The following EPG5 variants were observed in gnomAD, a reference collection of about 807,000 sequenced individuals.
EPG5 encodes ectopic P-granules 5 autophagy tethering factor, also known as ectopic P granules protein 5 homolog.
In EPG5, 159 loss-of-function variants were observed where a neutral mutation model predicts 302.7. The observed-to-expected ratio is 0.53, with a 90% CI of 0.46 to 0.60. The LOEUF is 0.60. Among genes scored for constraint, EPG5 ranks in the 20% least tolerant of loss-of-function variants. The probability of loss-of-function intolerance (pLI) is 0.00; values close to 1 mark genes in which losing one functional copy is unlikely to be tolerated. For missense variants in EPG5, 2,896 were observed against 3,092.4 expected (o/e 0.94, Z 1.51); for synonymous variants, 1,158 against 1,136.8 (o/e 1.02, Z -0.37).
intron 1 of EPG5, among the ~76,000 whole-genome samples, chr18:45,959,419 G>A (rs1476691165): frequency 6.8e-6 from 1 of 147,414 alleles, no homozygotes; most frequent in East Asian, 1.9e-4. Context: ...GGCTGAGGCA[G>A]GTGGATTACG....
intron 13 of EPG5, among the ~76,000 whole-genome samples, chr18:45,928,647 A>G (rs1425231086): frequency 1.3e-5 from 2 of 152,232 alleles, no homozygotes; most frequent in African/African-American, 4.8e-5. Flanking sequence ...GGACAAGTCA[A>G]CCTTGAGATT....
chr18:45,909,613 G>A (rs1352871730), intron 23 of EPG5, among the ~76,000 whole-genome samples: 48 of 152,188 alleles, frequency 3.2e-4, no homozygotes, highest in Admixed American at 6.5e-5. Context: ...GGAATAGTGT[G>A]AAAGGAATCC....
intron 38 of EPG5, 127 bp downstream of exon 38, chr18:45,866,671 T>A: frequency 1.3e-6 from 1 of 743,874 alleles, no homozygotes; most frequent in Non-Finnish European, 2.3e-6. Context: ...AAGATGAGTA[T>A]ATGATAATAC....
At chr18:45,879,326 G>A (rs758421007) in intron 32 of EPG5, 112 bp from the exon 33 acceptor site, 3 of 701,370 alleles carry the variant, frequency 4.3e-6, no homozygotes, top group Non-Finnish European at 7.1e-6. Flanking sequence ...ATAAGAGAGT[G>A]GCAAAAATAT....
intron 1 of EPG5, among the ~76,000 whole-genome samples, chr18:45,963,507 G>A (rs937209280): frequency 6.6e-6 from 1 of 152,154 alleles, no homozygotes; most frequent in African/African-American, 2.4e-5. Flanking sequence ...CATGGTGGCA[G>A]GCACCATAAT....
At position 45,847,741 on chromosome 18, in the gene EPG5, G is replaced by A. The variant is rs1382489798; in HGVS notation, c.*4726C>T. The A allele has an allele frequency of 6.6e-6, 1 of 152,452 alleles. No homozygotes were observed. Among genetic ancestry groups the A allele is most frequent in the Non-Finnish European group, 1.5e-5 (1 of 68,020 alleles). The allele number at this position is 152,452 out of a possible 1,614,324, so 9.4% of individuals were successfully genotyped here. On this transcript the variant is annotated 3_prime_UTR_variant, in exon 44 of 44. Coordinates refer to ENST00000282041, the MANE Select transcript of EPG5 (RefSeq NM_020964.3). ...AAATGTGGAACAATGAATAAGTAGT[G>A]AATATTGCACATTTAATGTCCAAAA...
chr18:45,868,954 C>T lies in EPG5; in HGVS notation c.6226-1206G>A, dbSNP rs187638968. On this transcript the variant is annotated intron_variant, in intron 36 of 43. Transcript: ENST00000282041. ...CCTGTAGTCCCAGCTACTTGGGAGG[C>T]TGAGGCAGGAGAATGGCGAGAACCT... is the stretch of plus-strand genomic sequence containing the variant. Among the ~76,000 whole-genome samples the T allele has an allele frequency of 2.0e-3, 307 of 151,224 alleles. 2 individuals carry two copies. Among genetic ancestry groups the T allele is most frequent in the African/African-American group, 7.0e-3 (288 of 41,246 alleles).
chr18:45,876,030 C>T (rs1363312990), intron 35 of EPG5, among the ~76,000 whole-genome samples: 4 of 150,970 alleles, frequency 2.6e-5, no homozygotes, highest in African/African-American at 9.8e-5. Flanking sequence ...GCACTCCAGC[C>T]TGGGCGACAG....
the EPG5 span, among the ~76,000 whole-genome samples, chr18:45,836,686 C>T: frequency 1.3e-5 from 2 of 152,248 alleles, no homozygotes; most frequent in South Asian, 2.1e-4. Flanking sequence ...CCTCTCTGGT[C>T]TCTCAGCTCC....
chr18:45,956,784 A>G (rs2051044118), intron 1 of EPG5, among the ~76,000 whole-genome samples: 1 of 152,002 alleles, frequency 6.6e-6, no homozygotes, highest in Non-Finnish European at 1.5e-5. Context: ...ACGGTTATAT[A>G]AGATGACGAC....
At chr18:45,924,308 C>G (rs2050222249) in intron 14 of EPG5, among the ~76,000 whole-genome samples, 1 of 152,214 alleles carries the variant, frequency 6.6e-6, no homozygotes, top group Non-Finnish European at 1.5e-5. Flanking sequence ...ATTCTGTTCA[C>G]AAGCCAGAGA....
At chr18:45,838,753 A>C in the EPG5 span, 11,700 of 1,582,672 alleles carry the variant, frequency 7.4e-3, 679 homozygotes, top group African/African-American at 0.13. Context: ...GGTGCTGCCC[A>C]GTCCGGCTCA....
chr18:45,833,511 C>T, the EPG5 span, among the ~76,000 whole-genome samples: 2 of 152,002 alleles, frequency 1.3e-5, no homozygotes, highest in South Asian at 2.1e-4. Flanking sequence ...CGGGGTTTTA[C>T]CATGTTAGCC....
Position 45,954,898 on chromosome 18 carries a change from T to C in EPG5, c.504A>G (p.Glu168=), listed in dbSNP as rs2050990657. ...SNFSYTQPAM[E]NIQVRETQNS... The stretch of plus-strand genomic sequence containing the variant: ...TCTGAGTTTCTCTGACTTGTATATT[T>C]TCCATTGCTGGCTGAGTATAAGAAA... The change falls in exon 2 of 44, where the codon GAA becomes GAG. Residue 168 remains glutamate (E), a synonymous_variant. Coordinates refer to ENST00000282041, the MANE Select transcript of EPG5 (RefSeq NM_020964.3). 6.2e-7 allele frequency: 1 copy of C among 1,613,944 alleles called. No homozygotes were observed. Among genetic ancestry groups the C allele is most frequent in the Non-Finnish European group, 8.5e-7 (1 of 1,179,910 alleles).
the EPG5 span, among the ~76,000 whole-genome samples, chr18:45,804,043 A>C: frequency 6.6e-6 from 1 of 152,210 alleles, no homozygotes; most frequent in South Asian, 2.1e-4. Context: ...ACTAAATGAC[A>C]TAAGGAAAAA....
intron 9 of EPG5, among the ~76,000 whole-genome samples, chr18:45,940,737 A>C (rs2145888792): frequency 6.6e-6 from 1 of 151,972 alleles, no homozygotes; most frequent in East Asian, 2.0e-4. Flanking sequence ...GGCATTTTAG[A>C]TTTGATAAAA....
intron 38 of EPG5, 49 bp downstream of exon 38, chr18:45,866,749 A>G: frequency 6.9e-7 from 1 of 1,441,388 alleles, no homozygotes; most frequent in Non-Finnish European, 9.8e-7. Flanking sequence ...TTATGCTGCT[A>G]CCAATCTCCA....
chr18:45,860,414 AACAGTGCTTCAATCTTAGCTGTTCTCC>A, intron 39 of EPG5, 68 bp from the exon 40 acceptor site: 1 of 1,593,566 alleles, frequency 6.3e-7, no homozygotes, highest in Non-Finnish European at 8.6e-7. Context: ...TCAGGAGAAT[AACAGTGCTTCAATCTTAGCTGTTCTCC>A]AGGCAGATTT....
rs535267663 is a variant in EPG5 at position 45,905,283 on chromosome 18, C to T, written c.4330-1166G>A. Among the ~76,000 whole-genome samples the T allele has an allele frequency of 1.6e-3, 249 of 152,182 alleles. 1 individual carries two copies. The highest frequency in any genetic ancestry group is 5.6e-3 in the African/African-American group (234 of 41,502). Reference sequence around the variant, plus strand: ...AAACAGGGACTATGGGTTTGTGGACCGTGATTTTTTTTGGATTTTAAGTGT... The same window carrying T: ...AAACAGGGACTATGGGTTTGTGGACTGTGATTTTTTTTGGATTTTAAGTGT... On this transcript the variant is annotated intron_variant, in intron 24 of 43. Coordinates refer to ENST00000282041, the MANE Select transcript of EPG5 (RefSeq NM_020964.3).
Sources: gnomAD v4.1 joint callset for allele counts (sites outside exome capture counted in the v4.1 genomes callset) on GRCh38, gnomAD v4.1.1 for gene constraint, MANE v1.5 for transcripts, NCBI Gene and HGNC (gene_info 2026-07-23, HGNC 2026-07-21) for gene names.